Variants in FLI1 observed in about 807,000 individuals in gnomAD.
FLI1 encodes Friend leukemia integration 1 transcription factor.
In FLI1, 13 loss-of-function variants were observed where a neutral mutation model predicts 53.1. The observed-to-expected ratio is 0.24, with a 90% confidence interval of 0.16 to 0.39. FLI1 has a LOEUF of 0.39. Among genes scored for constraint, FLI1 ranks in the 10% least tolerant of loss-of-function variants. The pLI is 1.00. For missense variants in FLI1, 424 were observed against 600.5 expected (o/e 0.71, Z 3.07); for synonymous variants, 244 against 236.7 (o/e 1.03, Z -0.28).
chr11:128,781,993 G>T lies in FLI1; in HGVS notation c.625G>T (p.Asp209Tyr). The change falls in exon 5 of 9, where the codon GAC (aspartate) becomes TAC (tyrosine). Residue 209 changes from aspartate (D) to tyrosine (Y), a missense_variant. This residue lies in a region of FLI1 where 114 missense variants were observed against 117.9 expected (regional missense o/e 0.97). Coordinates refer to ENST00000527786, the MANE Select transcript of FLI1 (RefSeq NM_002017.5). ...GGCCTATAATACAACCTCCCACACC[G>T]ACCAATCCTCACGATTGAGTGTCAA... ...LLAYNTTSHT[D>Y]QSSRLSVKED... 2 of 1,613,794 alleles carry T rather than the reference G, an allele frequency of 1.2e-6. No individual in the cohort carries two copies. The highest frequency in any genetic ancestry group is 2.2e-5 in the South Asian group (2 of 91,070).
At chr11:128,782,061 G>A in intron 5 of FLI1, 38 bp downstream of exon 5, 1 of 1,520,126 alleles carries the variant, frequency 6.6e-7, no homozygotes, top group Non-Finnish European at 9.1e-7. Flanking sequence ...ATTTTCTTCT[G>A]TACCAGACAT....
intron 5 of FLI1, among the ~76,000 whole-genome samples, chr11:128,802,883 C>T (rs989905058): frequency 5.3e-5 from 8 of 152,186 alleles, no homozygotes; most frequent in Non-Finnish European, 8.8e-5. Context: ...CTGCTCTGTC[C>T]CTGGAACTAG....
chr11:128,694,326 G>A lies in FLI1; in HGVS notation c.18+50G>A, dbSNP rs550022199. ...GGCGGCGGGGACCGGCCGGGGAGGCGAAGCGGCGGGCGGGTAGGTGCGGGG... is the reference window on the plus strand; with the variant it reads ...GGCGGCGGGGACCGGCCGGGGAGGCAAAGCGGCGGGCGGGTAGGTGCGGGG... On this transcript the variant is annotated intron_variant, in intron 1 of 8. Transcript: ENST00000527786. The A allele has an allele frequency of 2.6e-5, 34 of 1,292,136 alleles. No individual in the cohort carries two copies. The Admixed American group carries it at 1.1e-3, about 43-fold the overall frequency. 80.0% of individuals were successfully genotyped at this position (1,292,136 alleles called of 1,614,324 possible).
chr11:128,788,138 G>A (rs1172022343), intron 5 of FLI1, among the ~76,000 whole-genome samples: 2 of 152,024 alleles, frequency 1.3e-5, no homozygotes, highest in South Asian at 2.1e-4. Context: ...ACCAAGGGTC[G>A]TGAAGGATAC....
At position 128,694,242 on chromosome 11, in the gene FLI1, G is replaced by A. The variant is rs1031551701; in HGVS notation, c.-17G>A. 1 of 1,492,466 alleles carries A rather than the reference G, an allele frequency of 6.7e-7. No individual in the cohort carries two copies. The highest frequency in any genetic ancestry group is 1.3e-5 in the South Asian group (1 of 76,754). 92.5% of individuals were successfully genotyped at this position (1,492,466 alleles called of 1,614,324 possible). A position where few individuals can be genotyped will look rare whatever the true frequency, so the allele number is the denominator to read the frequency against. ...AATGTGTGGAATATTGGGGGGCTCG[G>A]CTGCAGACTTGGCCAAATGGACGGG... On this transcript the variant is annotated 5_prime_UTR_variant, in exon 1 of 9. Transcript: ENST00000527786.
Position 128,731,990 on chromosome 11 carries a change from G to A in FLI1, c.19-26125G>A, listed in dbSNP as rs1225921584. On this transcript the variant is annotated intron_variant, in intron 1 of 8. Transcript: ENST00000527786. ...TGTGCTCCAGGCTGGTGGACAGAGC[G>A]AGACTCCATCTCAAAAAAAAAAAGA... Among the ~76,000 whole-genome samples the A allele has an allele frequency of 1.1e-4, 15 of 138,282 alleles. No individual in the cohort carries two copies. The South Asian group carries it at 1.4e-3, about 13-fold the overall frequency. 90.7% of individuals were successfully genotyped at this position (138,282 alleles called of 152,430 possible). A position where few individuals can be genotyped will look rare whatever the true frequency, so the allele number is the denominator to read the frequency against.
At chr11:128,735,888 G>A (rs995346571) in intron 1 of FLI1, among the ~76,000 whole-genome samples, 2 of 152,214 alleles carry the variant, frequency 1.3e-5, no homozygotes, top group East Asian at 1.9e-4. Context: ...CTGATAAATT[G>A]TTTAACTTTG....
chr11:128,749,696 T>C (rs528910398), intron 1 of FLI1, among the ~76,000 whole-genome samples: 1 of 152,384 alleles, frequency 6.6e-6, no homozygotes, highest in South Asian at 2.1e-4. Context: ...AAAATGCGAC[T>C]GTGCCTCATG....
chr11:128,704,111 T>G (rs929225580), intron 1 of FLI1, among the ~76,000 whole-genome samples: 1 of 152,152 alleles, frequency 6.6e-6, no homozygotes, highest in African/African-American at 2.4e-5. Flanking sequence ...ATATATAAAA[T>G]GAAGGTATGA....
intron 5 of FLI1, among the ~76,000 whole-genome samples, chr11:128,794,733 GT>G (rs1942378874): frequency 6.6e-6 from 1 of 152,202 alleles, no homozygotes; most frequent in Non-Finnish European, 1.5e-5. Flanking sequence ...CACTACCCAG[GT>G]TGTGAGTGGG....
At chr11:128,743,690 C>T (rs972967005) in intron 1 of FLI1, among the ~76,000 whole-genome samples, 2 of 152,126 alleles carry the variant, frequency 1.3e-5, no homozygotes, top group Admixed American at 1.3e-4. Context: ...GAATAGAACA[C>T]TAACTGTCCC....
At chr11:128,794,980 G>C (rs1273948460) in intron 5 of FLI1, among the ~76,000 whole-genome samples, 2 of 152,182 alleles carry the variant, frequency 1.3e-5, no homozygotes, top group Non-Finnish European at 2.9e-5. Flanking sequence ...GGAGGCTTAG[G>C]CACAAGAATT....
intron 1 of FLI1, among the ~76,000 whole-genome samples, chr11:128,731,419 AC>A (rs1939693640): frequency 6.6e-6 from 1 of 152,078 alleles, no homozygotes; most frequent in Non-Finnish European, 1.5e-5. Context: ...TGCTCGTGTA[AC>A]TTTTGCACCA....
At chr11:128,709,735 T>A (rs985712549) in intron 1 of FLI1, among the ~76,000 whole-genome samples, 2 of 152,216 alleles carry the variant, frequency 1.3e-5, no homozygotes, top group Non-Finnish European at 2.9e-5. Context: ...TTTTAAAACA[T>A]CCGTCTGGCT....
At chr11:128,704,993 G>A (rs1241278874) in intron 1 of FLI1, among the ~76,000 whole-genome samples, 1 of 152,214 alleles carries the variant, frequency 6.6e-6, no homozygotes, top group African/African-American at 2.4e-5. Flanking sequence ...AAGAGATTGG[G>A]TAAGTTACTC....
chr11:128,759,580 G>T (rs1013997718), intron 2 of FLI1, among the ~76,000 whole-genome samples: 1 of 152,230 alleles, frequency 6.6e-6, no homozygotes, highest in African/African-American at 2.4e-5. Context: ...CAGGGCTTAG[G>T]TGAGTAAAGT....
intron 1 of FLI1, among the ~76,000 whole-genome samples, chr11:128,717,047 G>T (rs905015204): frequency 2.6e-5 from 4 of 152,110 alleles, no homozygotes; most frequent in Non-Finnish European, 5.9e-5. Context: ...ATTTTCCAAG[G>T]TAGGGAGGAA....
At chr11:128,717,902 C>T (rs539100639) in intron 1 of FLI1, among the ~76,000 whole-genome samples, 17 of 152,338 alleles carry the variant, frequency 1.1e-4, no homozygotes, top group South Asian at 2.1e-4. Flanking sequence ...TAGAGGAGCT[C>T]ACACCACAGT....
At chr11:128,753,483 T>C (rs1940731621) in intron 1 of FLI1, among the ~76,000 whole-genome samples, 2 of 152,252 alleles carry the variant, frequency 1.3e-5, no homozygotes, top group African/African-American at 4.8e-5. Flanking sequence ...TGAATTTGCA[T>C]GCTGGTGTTC....
Sources: allele counts gnomAD v4.1 joint callset (sites outside exome capture counted in the v4.1 genomes callset), GRCh38; gene constraint gnomAD v4.1.1; regional missense constraint gnomAD v4.1.1; transcripts MANE v1.5; gene names NCBI Gene and HGNC (gene_info 2026-07-23, HGNC 2026-07-21).